TRAPPC9: variants seen among roughly 807,000 people sequenced by gnomAD.
TRAPPC9 encodes IKK2 binding protein.
TRAPPC9 carries 83 observed loss-of-function variants against 124.0 expected under a neutral mutation model. That is an observed-to-expected ratio of 0.67 (90% CI 0.56 to 0.80). The LOEUF (loss-of-function observed/expected upper bound fraction) is 0.80, where lower values mean the gene tolerates loss of function less well. Among genes scored for constraint, TRAPPC9 ranks in the 30% least tolerant of loss-of-function variants. TRAPPC9 has a pLI of 0.00. For synonymous variants in TRAPPC9, 638 were observed against 617.5 expected (o/e 1.03, Z -0.49); for missense variants, 1,302 against 1,508.3 (o/e 0.86, Z 2.27).
At chr8:139,790,845 A>T (rs1822609920) in intron 21 of TRAPPC9, among the ~76,000 whole-genome samples, 1 of 152,104 alleles carries the variant, frequency 6.6e-6, no homozygotes. Context: ...TTTCTCATAA[A>T]TGGTTAGCAC....
In TRAPPC9 at chr8:140,385,234, A is replaced by G. The variant is rs1463859508; in HGVS notation, c.1134+12386T>C. ...AGAAAGCAGGAAAGATCTAAAATTG[A>G]CACCCTAACATCGTAATTAAAAGAA... On this transcript the variant is annotated intron_variant, in intron 7 of 22. Transcript: ENST00000438773. Among the ~76,000 whole-genome samples the G allele has an allele frequency of 2.0e-5, 3 of 152,232 alleles. No individual in the cohort carries two copies. In the East Asian group the frequency reaches 5.8e-4, roughly 29 times the overall value.
At chr8:139,785,195 A>C (rs1822139122) in intron 21 of TRAPPC9, among the ~76,000 whole-genome samples, 2 of 152,204 alleles carry the variant, frequency 1.3e-5, no homozygotes, top group African/African-American at 4.8e-5. Context: ...CTTTTCAACA[A>C]ATGAGGCTGG....
rs936064096 is a variant in TRAPPC9 at position 140,236,504 on chromosome 8, G to A, written c.2432-14921C>T. ...GCCACAGGTCTCAAGAGAACTGGAG[G>A]GTGCTGAAAATTATTTATATCATGA... is the stretch of plus-strand genomic sequence containing the variant. On this transcript the variant is annotated intron_variant, in intron 16 of 22. Coordinates refer to ENST00000438773, the MANE Select transcript of TRAPPC9 (RefSeq NM_001160372.4). Among the ~76,000 whole-genome samples, 24 of 152,172 alleles carry A rather than the reference G, an allele frequency of 1.6e-4. No individual in the cohort carries two copies. In the East Asian group the frequency reaches 2.5e-3, roughly 16 times the overall value.
chr8:139,864,808 T>C (rs1563873905), intron 21 of TRAPPC9, among the ~76,000 whole-genome samples: 2 of 152,192 alleles, frequency 1.3e-5, no homozygotes, highest in Non-Finnish European at 2.9e-5. Context: ...GACTGGCTCA[T>C]CTGCTGGGAA....
intron 21 of TRAPPC9, among the ~76,000 whole-genome samples, chr8:139,814,311 C>T (rs189791370): frequency 7.9e-5 from 12 of 152,320 alleles, no homozygotes; most frequent in East Asian, 1.9e-4. Flanking sequence ...CGTGGAGACA[C>T]GGCGATGAGA....
intron 16 of TRAPPC9, among the ~76,000 whole-genome samples, chr8:140,234,181 A>G (rs1335595611): frequency 6.6e-6 from 1 of 152,154 alleles, no homozygotes; most frequent in Non-Finnish European, 1.5e-5. Flanking sequence ...CACAAACCCC[A>G]CTGTGAAATA....
chr8:140,244,800 CTTTTTTTTTTTTTT>C (rs1162364645), intron 16 of TRAPPC9, among the ~76,000 whole-genome samples: 1 of 90,180 alleles, frequency 1.1e-5, no homozygotes, highest in Admixed American at 1.4e-4. Flanking sequence ...TTTCCAATTC[CTTTTTTTTTTTTTT>C]TTTTTTTTTT....
chr8:139,787,703 ACT>A (rs1453849355), intron 21 of TRAPPC9, among the ~76,000 whole-genome samples: 1 of 152,198 alleles, frequency 6.6e-6, no homozygotes, highest in African/African-American at 2.4e-5. Context: ...AGCTAACACC[ACT>A]GTTTTTCAAC....
chr8:139,909,466 G>A (rs188467127), intron 20 of TRAPPC9, among the ~76,000 whole-genome samples: 117 of 151,090 alleles, frequency 7.7e-4, no homozygotes, highest in Non-Finnish European at 1.4e-3. Context: ...CTTCATACTA[G>A]ACAAACAACT....
intron 17 of TRAPPC9, among the ~76,000 whole-genome samples, chr8:140,132,308 A>G (rs780848578): frequency 1.5e-4 from 23 of 152,238 alleles, no homozygotes; most frequent in Non-Finnish European, 2.8e-4. Flanking sequence ...GGAAAAGGCC[A>G]TTAAAAAGGG....
intron 17 of TRAPPC9, among the ~76,000 whole-genome samples, chr8:140,178,143 C>T (rs548757908): frequency 1.3e-5 from 2 of 152,208 alleles, no homozygotes; most frequent in African/African-American, 4.8e-5. Flanking sequence ...ATGGCACTAA[C>T]TAGACTATTC....
intron 16 of TRAPPC9, among the ~76,000 whole-genome samples, chr8:140,237,520 T>G (rs2063755547): frequency 6.6e-6 from 1 of 151,956 alleles, no homozygotes; most frequent in Non-Finnish European, 1.5e-5. Context: ...AATTTAGGAC[T>G]AGGAGCCAGG....
At chr8:140,038,319 C>T (rs1324990303) in intron 17 of TRAPPC9, among the ~76,000 whole-genome samples, 2 of 152,198 alleles carry the variant, frequency 1.3e-5, no homozygotes, top group Non-Finnish European at 1.5e-5. Flanking sequence ...CAGGGCCACA[C>T]GGGCCTCCAG....
At chr8:140,419,702 G>A (rs573645551) in intron 5 of TRAPPC9, among the ~76,000 whole-genome samples, 2 of 151,574 alleles carry the variant, frequency 1.3e-5, no homozygotes, top group South Asian at 4.2e-4. Context: ...TGGCTAACAC[G>A]GTGAAACCCC....
intron 21 of TRAPPC9, among the ~76,000 whole-genome samples, chr8:139,754,907 A>G (rs1248778320): frequency 2.0e-5 from 3 of 152,240 alleles, no homozygotes; most frequent in African/African-American, 7.2e-5. Flanking sequence ...TCAAACGGGC[A>G]AAACGTACTA....
chr8:140,169,886 C>T (rs983764120), intron 17 of TRAPPC9, among the ~76,000 whole-genome samples: 14 of 152,042 alleles, frequency 9.2e-5, no homozygotes, highest in African/African-American at 3.4e-4. Context: ...TACAGGTGTG[C>T]ACCGCCATGC....
chr8:140,221,558 G>T lies in TRAPPC9; in HGVS notation c.2457C>A (p.Pro819=). 6.2e-7 allele frequency: 1 copy of T among 1,614,054 alleles called. No homozygotes were observed. The highest frequency in any genetic ancestry group is 1.1e-5 in the South Asian group (1 of 91,072). ...CGACCTGCCGAAAAGGACTGGACAG[G>T]GGAAAGCCACTCACACTGATTCCAT... ...SDDGISVSGF[P]LSSPFRQVVR... is the part of the protein sequence containing the mutation. The change falls in exon 17 of 23, where the codon CCC becomes CCA. Residue 819 remains proline (P), a synonymous_variant. Transcript: ENST00000438773.
In TRAPPC9 at chr8:140,000,060, G is replaced by C. The variant is rs183860500; in HGVS notation, c.2700-11224C>G. 1.1e-3 allele frequency among the ~76,000 whole-genome samples: 165 copies of C among 152,144 alleles called. 1 individual carries two copies. Among genetic ancestry groups the C allele is most frequent in the African/African-American group, 3.5e-3 (145 of 41,524 alleles). On this transcript the variant is annotated intron_variant, in intron 18 of 22. Transcript: ENST00000438773. ...TATAGACCAATGGAACAGAACAGAG[G>C]CCTCAGAAATAACACCAGACATCTA...
chr8:139,842,193 CTT>C (rs1319121675), intron 21 of TRAPPC9, among the ~76,000 whole-genome samples: 1 of 152,224 alleles, frequency 6.6e-6, no homozygotes, highest in Non-Finnish European at 1.5e-5. Context: ...TGCAGCCTCT[CTT>C]TTGACAGCTG....
Sources: allele counts gnomAD v4.1 joint callset (sites outside exome capture counted in the v4.1 genomes callset), GRCh38; gene constraint gnomAD v4.1.1; transcripts MANE v1.5; gene names NCBI Gene and HGNC (gene_info 2026-07-23, HGNC 2026-07-21).